LCORL: variants seen among roughly 807,000 people sequenced by gnomAD.
LCORL encodes ligand-dependent nuclear receptor corepressor-like protein.
LCORL carries 41 observed loss-of-function variants against 141.8 expected under a neutral mutation model. That is an observed-to-expected ratio of 0.29 (90% CI 0.23 to 0.38). LCORL has a LOEUF of 0.38. Ranked by LOEUF, LCORL falls within the 10% of genes least tolerant of loss-of-function variation. The pLI is 1.00. For synonymous variants in LCORL, 618 were observed against 694.1 expected (o/e 0.89, Z 1.72); for missense variants, 1,759 against 2,035.0 (o/e 0.86, Z 2.61).
chr4:17,909,428 A>T, intron 4 of LCORL, 83 bp from the exon 5 acceptor site: 1 of 1,038,380 alleles, frequency 9.6e-7, no homozygotes, highest in Non-Finnish European at 1.4e-6. Flanking sequence ...ATTACAAATT[A>T]ATGACTTCAG....
chr4:17,964,106 A>C (rs1714385671), intron 2 of LCORL, among the ~76,000 whole-genome samples: 1 of 152,134 alleles, frequency 6.6e-6, no homozygotes, highest in African/African-American at 2.4e-5. Context: ...AATATGTTGG[A>C]ATATAAAGAA....
chr4:17,872,655 T>C (rs1726486823), intron 7 of LCORL, among the ~76,000 whole-genome samples: 1 of 152,136 alleles, frequency 6.6e-6, no homozygotes, highest in African/African-American at 2.4e-5. Flanking sequence ...CATTTTGAAT[T>C]TGGCATTACC....
At chr4:17,983,916 G>C (rs1346044094) in intron 1 of LCORL, among the ~76,000 whole-genome samples, 1 of 152,068 alleles carries the variant, frequency 6.6e-6, no homozygotes, top group Non-Finnish European at 1.5e-5. Flanking sequence ...GTCATATGTG[G>C]CTCTTATTAT....
chr4:17,947,986 C>G (rs1334858543), intron 4 of LCORL, among the ~76,000 whole-genome samples: 1 of 151,836 alleles, frequency 6.6e-6, no homozygotes. Context: ...TAGAGTTTAT[C>G]AAGCAAACAG....
chr4:17,919,323 G>A (rs1213758276), intron 4 of LCORL, among the ~76,000 whole-genome samples: 2 of 152,116 alleles, frequency 1.3e-5, no homozygotes, highest in Non-Finnish European at 2.9e-5. Flanking sequence ...CAGATATTTA[G>A]AGAGAAATTA....
chr4:18,013,649 C>T (rs773331691), intron 1 of LCORL, among the ~76,000 whole-genome samples: 11 of 152,122 alleles, frequency 7.2e-5, no homozygotes, highest in Non-Finnish European at 1.6e-4. Flanking sequence ...GTTACTGTCA[C>T]TAAACAGTTT....
chr4:18,007,322 GTAAAATAATT>G (rs964754017), intron 1 of LCORL, among the ~76,000 whole-genome samples: 10 of 152,114 alleles, frequency 6.6e-5, no homozygotes, highest in African/African-American at 2.4e-4. Flanking sequence ...CTAATCCACA[GTAAAATAATT>G]TAAAATAATT....
intron 5 of LCORL, among the ~76,000 whole-genome samples, chr4:17,900,747 CAAAG>C (rs1422625877): frequency 6.6e-6 from 1 of 151,676 alleles, no homozygotes; most frequent in African/African-American, 2.4e-5. Context: ...TACACAGAAA[CAAAG>C]AGATGGAAAA....
chr4:18,021,508 G>A lies in LCORL; in HGVS notation c.154+90C>T. ...CCCCACCGAACTAACCCGAACGGGA[G>A]ATTCAACTAAACCCCTCAGCCACAA... On this transcript the variant is annotated intron_variant, in intron 1 of 7. Transcript: ENST00000635767. The surrounding 1 kb of genome is among the most constrained non-coding windows in gnomAD (Gnocchi z 5.5). 4 of 1,158,876 alleles carry A rather than the reference G, an allele frequency of 3.5e-6. No individual in the cohort carries two copies. The highest frequency in any genetic ancestry group is 2.4e-6 in the Non-Finnish European group (2 of 849,720). The allele number at this position is 1,158,876 out of a possible 1,614,324, so 71.8% of individuals were successfully genotyped here. A position where few individuals can be genotyped will look rare whatever the true frequency, so the allele number is the denominator to read the frequency against.
At chr4:17,877,488 G>T (rs1234059709) in exon 7 of LCORL, 3 of 1,229,832 alleles carry the variant, frequency 2.4e-6, no homozygotes, top group Non-Finnish European at 3.0e-6. Context: ...AGAGTTACTG[G>T]ATTTTTTAGT....
At chr4:17,932,981 T>G (rs1388284381) in intron 4 of LCORL, among the ~76,000 whole-genome samples, 1 of 152,228 alleles carries the variant, frequency 6.6e-6, no homozygotes, top group Non-Finnish European at 1.5e-5. Flanking sequence ...CACTTATTCT[T>G]TAACTTCTTT....
intron 1 of LCORL, among the ~76,000 whole-genome samples, chr4:18,015,079 A>T (rs1157461220): frequency 6.6e-6 from 1 of 152,210 alleles, no homozygotes; most frequent in Non-Finnish European, 1.5e-5. Context: ...ACTAATGAGG[A>T]ATAAAAAGTT....
chr4:17,967,306 T>C (rs1393924243), intron 2 of LCORL, among the ~76,000 whole-genome samples: 1 of 152,206 alleles, frequency 6.6e-6, no homozygotes, highest in African/African-American at 2.4e-5. Flanking sequence ...GGCAGTGATA[T>C]GCACTGTGTC....
chr4:17,913,723 C>T (rs1386857409), intron 4 of LCORL, among the ~76,000 whole-genome samples: 2 of 152,156 alleles, frequency 1.3e-5, no homozygotes, highest in East Asian at 1.9e-4. Context: ...AATCATCAGG[C>T]GTCCACCTTA....
intron 4 of LCORL, among the ~76,000 whole-genome samples, chr4:17,958,078 A>C (rs1397935150): frequency 6.6e-6 from 1 of 151,992 alleles, no homozygotes; most frequent in African/African-American, 2.4e-5. Flanking sequence ...ACAAAACATT[A>C]ACAGTTTAAA....
chr4:18,018,607 T>G, intron 1 of LCORL, among the ~76,000 whole-genome samples: 1 of 152,174 alleles, frequency 6.6e-6, no homozygotes, highest in Admixed American at 6.5e-5. Context: ...TCATGACAAC[T>G]AAAACAACTT....
intron 1 of LCORL, among the ~76,000 whole-genome samples, chr4:17,998,864 C>G (rs541578321): frequency 1.1e-4 from 16 of 147,198 alleles, no homozygotes; most frequent in African/African-American, 4.0e-4. Context: ...AATCAGGAGG[C>G]TGAAGTGGGA....
chr4:17,901,386 TAA>T (rs66571587), intron 5 of LCORL, among the ~76,000 whole-genome samples: 18,428 of 141,008 alleles, frequency 0.13, 1,257 homozygotes, highest in South Asian at 0.25. Flanking sequence ...GAAAATGAAA[TAA>T]AAAAAAAAAC....
At chr4:17,940,683 T>C (rs1008294988) in intron 4 of LCORL, among the ~76,000 whole-genome samples, 6 of 151,968 alleles carry the variant, frequency 3.9e-5, no homozygotes, top group Admixed American at 1.3e-4. Flanking sequence ...CTGTTGTTTG[T>C]TGTCTATGCT....
Sources: allele counts gnomAD v4.1 joint callset (sites outside exome capture counted in the v4.1 genomes callset), GRCh38; gene constraint gnomAD v4.1.1; non-coding constraint Gnocchi (gnomAD v3.1); transcripts MANE v1.5; gene names NCBI Gene and HGNC (gene_info 2026-07-23, HGNC 2026-07-21).